The following NAA11 variants were observed in gnomAD, a reference collection of about 807,000 sequenced individuals.
The protein encoded by NAA11 is N-alpha-acetyltransferase 11, NatA catalytic subunit, also known as N-alpha-acetyltransferase 11.
A neutral mutation model predicts 16.1 loss-of-function variants in NAA11; 15 were observed. The observed-to-expected ratio is 0.93, with a 90% CI of 0.62 to 1.44. The LOEUF (loss-of-function observed/expected upper bound fraction) is 1.44. Among genes scored for constraint, NAA11 ranks in the 40% most tolerant of loss-of-function variants. The pLI, the probability that NAA11 is intolerant of heterozygous loss-of-function variation, is 0.00. For missense variants in NAA11, 298 were observed against 291.3 expected (o/e 1.02, Z -0.17); for synonymous variants, 122 against 112.4 (o/e 1.09, Z -0.54).
chr4:79,183,909 G>T, the NAA11 span, among the ~76,000 whole-genome samples: 5 of 152,108 alleles, frequency 3.3e-5, no homozygotes, highest in African/African-American at 1.2e-4. Context: ...GTTTAAATGA[G>T]GATCAAGTTA....
the NAA11 span, among the ~76,000 whole-genome samples, chr4:79,175,719 C>T: frequency 7.7e-6 from 1 of 130,098 alleles, no homozygotes; most frequent in African/African-American, 2.9e-5. Flanking sequence ...ACTATGCATA[C>T]AGCTTTTTCA....
At chr4:79,282,162 A>C (rs1722807445) in intron 2 of NAA11, among the ~76,000 whole-genome samples, 1 of 152,136 alleles carries the variant, frequency 6.6e-6, no homozygotes, top group South Asian at 2.1e-4. Flanking sequence ...CATGCTTGGC[A>C]TGCTTGAAGA....
the NAA11 span, among the ~76,000 whole-genome samples, chr4:79,201,423 A>G: frequency 2.6e-5 from 4 of 151,832 alleles, no homozygotes; most frequent in Non-Finnish European, 5.9e-5. Context: ...ACTAAAACAT[A>G]GAATCTTGTT....
chr4:79,309,853 C>T (rs1723713085), intron 1 of NAA11, among the ~76,000 whole-genome samples: 1 of 151,528 alleles, frequency 6.6e-6, no homozygotes, highest in South Asian at 2.1e-4. Context: ...GTAGCTGGGA[C>T]TACAGGCGCC....
chr4:79,315,781 G>T (rs1381122399), downstream of NAA11, among the ~76,000 whole-genome samples: 1 of 152,124 alleles, frequency 6.6e-6, no homozygotes, highest in African/African-American at 2.4e-5. Context: ...AAAAGCCACT[G>T]CTGCTGCTAA....
In NAA11 at chr4:79,325,597, G is replaced by T. The variant is rs1234024364; in HGVS notation, c.281C>A (p.Ala94Asp). ...LGLAQKLMDQASRAMIENFNA... is the reference protein window; with the variant it reads ...LGLAQKLMDQDSRAMIENFNA... The stretch of plus-strand genomic sequence containing the variant: ...AAAGTTCTCTATCATGGCCCTGGAG[G>T]CCTGGTCCATCAGCTTCTGGGCCAG... Residue 94 changes from alanine (A) to aspartate (D), a missense_variant, in exon 1 of 2, where the codon GCC (alanine) becomes GAC (aspartate). Ala to Asp is a moderately radical substitution (Grantham distance 126, BLOSUM62 -2). Transcript: ENST00000286794. 1 of 1,614,070 alleles carries T rather than the reference G, an allele frequency of 6.2e-7. No individual in the cohort carries two copies. Among genetic ancestry groups the T allele is most frequent in the Non-Finnish European group, 8.5e-7 (1 of 1,179,956 alleles).
chr4:79,180,274 TAAAAG>T, the NAA11 span, among the ~76,000 whole-genome samples: 1 of 152,300 alleles, frequency 6.6e-6, no homozygotes, highest in East Asian at 1.9e-4. Context: ...CTTATACTGA[TAAAAG>T]AAATTATAAA....
intron 1 of NAA11, among the ~76,000 whole-genome samples, chr4:79,324,087 A>T (rs1053708755): frequency 6.6e-6 from 1 of 152,004 alleles, no homozygotes; most frequent in Non-Finnish European, 1.5e-5. Context: ...AGTAAATGGC[A>T]TAAGGAACCC....
intron 2 of NAA11, among the ~76,000 whole-genome samples, chr4:79,238,596 T>C (rs1721619766): frequency 6.6e-6 from 1 of 152,156 alleles, no homozygotes; most frequent in African/African-American, 2.4e-5. Context: ...TATATGTTAA[T>C]AATGCTTTCT....
At chr4:79,214,458 T>C in the NAA11 span, among the ~76,000 whole-genome samples, 4 of 152,198 alleles carry the variant, frequency 2.6e-5, no homozygotes, top group Admixed American at 2.0e-4. Flanking sequence ...TGGTCCCCCC[T>C]CATGACTAGA....
chr4:79,229,660 T>G (rs890481062), intron 2 of NAA11, among the ~76,000 whole-genome samples: 24 of 152,110 alleles, frequency 1.6e-4, no homozygotes, highest in African/African-American at 5.5e-4. Context: ...TATCTAACAT[T>G]TAGTAAATTT....
In NAA11 at chr4:79,325,985, C is replaced by T. The variant is rs1241513634; in HGVS notation, c.-108G>A. On this transcript the variant is annotated 5_prime_UTR_variant, in exon 1 of 2. In the 5' UTR this introduces an upstream ATG that the reference lacks. Transcript: ENST00000286794. The stretch of plus-strand genomic sequence containing the variant: ...AGGAATCGAGTCCAGGGGGCTAACA[C>T]CACCGGGCTGAATCGTGTGGAGGGC... The T allele has an allele frequency of 2.2e-6, 2 of 919,152 alleles. No individual in the cohort carries two copies. The highest frequency in any genetic ancestry group is 1.7e-5 in the South Asian group (1 of 57,942). 56.9% of individuals were successfully genotyped at this position (919,152 alleles called of 1,614,324 possible).
chr4:79,184,837 C>T, the NAA11 span, among the ~76,000 whole-genome samples: 4 of 152,172 alleles, frequency 2.6e-5, no homozygotes, highest in African/African-American at 9.7e-5. Context: ...CACATAGACA[C>T]TGAGATTTAC....
intron 2 of NAA11, among the ~76,000 whole-genome samples, chr4:79,290,986 A>G (rs75017232): frequency 0.048 from 7,377 of 152,272 alleles, 209 homozygotes; most frequent in East Asian, 0.078. Context: ...ATATGTATGT[A>G]CAATATGGTA....
the NAA11 span, among the ~76,000 whole-genome samples, chr4:79,186,035 A>G: frequency 6.6e-6 from 1 of 152,136 alleles, no homozygotes; most frequent in Non-Finnish European, 1.5e-5. Context: ...GTCCTCACAC[A>G]TGTATGTGTT....
chr4:79,296,876 A>G (rs1723234954), intron 1 of NAA11, among the ~76,000 whole-genome samples: 1 of 152,142 alleles, frequency 6.6e-6, no homozygotes, highest in South Asian at 2.1e-4. Context: ...TCTAATCCCC[A>G]TTTATGATTA....
At chr4:79,240,455 G>A (rs1025599207) in intron 2 of NAA11, among the ~76,000 whole-genome samples, 1 of 152,114 alleles carries the variant, frequency 6.6e-6, no homozygotes, top group African/African-American at 2.4e-5. Flanking sequence ...GAATACAAGG[G>A]TCTGGAAATC....
chr4:79,264,411 C>T (rs1288381955), intron 2 of NAA11, among the ~76,000 whole-genome samples: 3 of 152,140 alleles, frequency 2.0e-5, no homozygotes, highest in Non-Finnish European at 4.4e-5. Context: ...AATAAACTTG[C>T]TTTGATCTAT....
chr4:79,284,770 G>T (rs1175501179), intron 2 of NAA11, among the ~76,000 whole-genome samples: 1 of 78,948 alleles, frequency 1.3e-5, no homozygotes, highest in East Asian at 2.2e-4. Context: ...TACTCGGGAG[G>T]CTGAGGCAGG....
Sources: allele counts gnomAD v4.1 joint callset (sites outside exome capture counted in the v4.1 genomes callset), GRCh38; gene constraint gnomAD v4.1.1; transcripts MANE v1.5; gene names NCBI Gene and HGNC (gene_info 2026-07-23, HGNC 2026-07-21).